Variants in SGPP2 observed in about 807,000 individuals in gnomAD.
SGPP2 encodes sphingosine 1-phosphate phosphohydrolase 2.
A neutral mutation model predicts 33.9 loss-of-function variants in SGPP2; 30 were observed. That is an observed-to-expected ratio of 0.89 (90% CI 0.66 to 1.20). The LOEUF (loss-of-function observed/expected upper bound fraction) is 1.20. Among genes scored for constraint, SGPP2 ranks in the 50% most tolerant of loss-of-function variants. The pLI is 0.00. For missense variants in SGPP2, 458 were observed against 532.1 expected (o/e 0.86, Z 1.37); for synonymous variants, 233 against 225.0 (o/e 1.04, Z -0.32).
chr2:222,552,122 T>G (rs1689303220), intron 4 of SGPP2, among the ~76,000 whole-genome samples: 1 of 152,222 alleles, frequency 6.6e-6, no homozygotes, highest in South Asian at 2.1e-4. Flanking sequence ...GATGGGCATT[T>G]GGGTTGGTTC....
Position 222,546,150 on chromosome 2 carries a change from G to T in SGPP2, c.649-12197G>T, listed in dbSNP as rs1361190622. 2.0e-5 allele frequency among the ~76,000 whole-genome samples: 3 copies of T among 152,130 alleles called. No individual in the cohort carries two copies. The East Asian group carries it at 5.8e-4, about 29-fold the overall frequency. On this transcript the variant is annotated intron_variant, in intron 4 of 4. Coordinates refer to ENST00000321276, the MANE Select transcript of SGPP2 (RefSeq NM_152386.4). The stretch of plus-strand genomic sequence containing the variant: ...TGTATCATATGTTTAAATTCACACA[G>T]GGTTTCCAGTAAGTGCTATGATTTA...
chr2:222,535,264 G>T (rs938411616), intron 4 of SGPP2, among the ~76,000 whole-genome samples: 2 of 151,816 alleles, frequency 1.3e-5, no homozygotes, highest in African/African-American at 4.8e-5. Flanking sequence ...TATAATCCCA[G>T]CTACTCAGGA....
chr2:222,430,113 G>A (rs1039766397), intron 1 of SGPP2, among the ~76,000 whole-genome samples: 1 of 152,060 alleles, frequency 6.6e-6, no homozygotes, highest in Non-Finnish European at 1.5e-5. Flanking sequence ...AGAATAGAAC[G>A]ATGAATACAA....
chr2:222,424,558 C>T lies in SGPP2; in HGVS notation c.-45C>T. The T allele has an allele frequency of 8.5e-7, 1 of 1,174,108 alleles. No individual in the cohort carries two copies. Among genetic ancestry groups the T allele is most frequent in the Non-Finnish European group, 1.1e-6 (1 of 940,376 alleles). 72.7% of individuals were successfully genotyped at this position (1,174,108 alleles called of 1,614,324 possible). A position where few individuals can be genotyped will look rare whatever the true frequency, so the allele number is the denominator to read the frequency against. On this transcript the variant is annotated 5_prime_UTR_variant, in exon 1 of 5. Transcript: ENST00000321276. ...GAGTGGCGGTGCCAGCGGAGGGCACCGGCCCGGCGTGGCAGCGGCGGCGGA... is the reference window on the plus strand; with the variant it reads ...GAGTGGCGGTGCCAGCGGAGGGCACTGGCCCGGCGTGGCAGCGGCGGCGGA...
rs1689490229 is a variant in SGPP2, at chr2:222,559,252, A to G, written c.*354A>G. On this transcript the variant is annotated 3_prime_UTR_variant, in exon 5 of 5. Transcript: ENST00000321276. ...GCTGGCAGGAATTGTGGCCTGGCTT[A>G]GGAATAGCTATGAGCCCCACTGGGT... 2 of 240,596 alleles carry G rather than the reference A, an allele frequency of 8.3e-6. No homozygotes were observed. The highest frequency in any genetic ancestry group is 6.8e-5 in the South Asian group (1 of 14,738). 14.9% of individuals were successfully genotyped at this position (240,596 alleles called of 1,614,324 possible).
intron 2 of SGPP2, among the ~76,000 whole-genome samples, chr2:222,511,181 G>GA (rs1274495643): frequency 6.6e-6 from 1 of 152,130 alleles, no homozygotes; most frequent in African/African-American, 2.4e-5. Flanking sequence ...CAGCCATCCA[G>GA]AACAGAGCCC....
chr2:222,499,878 C>A (rs1229267207), intron 2 of SGPP2, among the ~76,000 whole-genome samples: 1 of 152,058 alleles, frequency 6.6e-6, no homozygotes, highest in Non-Finnish European at 1.5e-5. Context: ...ACCAGAGGTC[C>A]CCAGGCAGAA....
At chr2:222,491,483 G>A (rs901625452) in intron 2 of SGPP2, among the ~76,000 whole-genome samples, 1 of 152,208 alleles carries the variant, frequency 6.6e-6, no homozygotes, top group Admixed American at 6.5e-5. Context: ...CAGCAGGCAA[G>A]AGAGAGTGAG....
At chr2:222,467,561 C>T (rs1320623901) in intron 1 of SGPP2, among the ~76,000 whole-genome samples, 4 of 152,122 alleles carry the variant, frequency 2.6e-5, no homozygotes, top group Non-Finnish European at 5.9e-5. Flanking sequence ...CACTTTGCCT[C>T]TAGCATCCAT....
At chr2:222,497,609 C>T (rs188048318) in intron 2 of SGPP2, among the ~76,000 whole-genome samples, 1 of 152,294 alleles carries the variant, frequency 6.6e-6, no homozygotes, top group Non-Finnish European at 1.5e-5. Context: ...GTCATTTGTT[C>T]ATTCATTTAA....
At chr2:222,508,977 A>G (rs1180246758) in intron 2 of SGPP2, among the ~76,000 whole-genome samples, 1 of 152,218 alleles carries the variant, frequency 6.6e-6, no homozygotes, top group Non-Finnish European at 1.5e-5. Context: ...TGCCAGAAGT[A>G]TGAGTGGCTA....
At position 222,488,267 on chromosome 2, in the gene SGPP2, G is replaced by A. The variant is rs145501579; in HGVS notation, c.378+13541G>A. Among the ~76,000 whole-genome samples the A allele has an allele frequency of 1.7e-4, 26 of 152,298 alleles. No homozygotes were observed. The East Asian group carries it at 3.7e-3, about 21-fold the overall frequency. ...GTCCCCTAACCCTGGGCCATGGACTGGTACTGTAGCCTGTTAGGAACCAGG... is the reference window on the plus strand; with the variant it reads ...GTCCCCTAACCCTGGGCCATGGACTAGTACTGTAGCCTGTTAGGAACCAGG... On this transcript the variant is annotated intron_variant, in intron 2 of 4. Coordinates refer to ENST00000321276, the MANE Select transcript of SGPP2 (RefSeq NM_152386.4).
chr2:222,425,197 C>T (rs1372281825), intron 1 of SGPP2, among the ~76,000 whole-genome samples: 1 of 152,148 alleles, frequency 6.6e-6, no homozygotes, highest in African/African-American at 2.4e-5. Flanking sequence ...AGACTCCCCC[C>T]CACCCCCGTA....
intron 1 of SGPP2, among the ~76,000 whole-genome samples, chr2:222,442,623 A>G (rs1414143346): frequency 2.0e-5 from 3 of 152,246 alleles, no homozygotes; most frequent in Non-Finnish European, 4.4e-5. Flanking sequence ...ATCCTTGAAC[A>G]TATAAAATAC....
At chr2:222,496,443 A>G (rs1178321220) in intron 2 of SGPP2, among the ~76,000 whole-genome samples, 1 of 152,144 alleles carries the variant, frequency 6.6e-6, no homozygotes, top group African/African-American at 2.4e-5. Flanking sequence ...CGTCATCTTT[A>G]TTTTGCACTA....
intron 1 of SGPP2, among the ~76,000 whole-genome samples, chr2:222,473,397 A>G (rs1697879061): frequency 6.6e-6 from 1 of 152,244 alleles, no homozygotes; most frequent in Non-Finnish European, 1.5e-5. Flanking sequence ...AGCATCTTCA[A>G]ATCGTTCTCT....
At chr2:222,464,006 C>T (rs775660769) in intron 1 of SGPP2, among the ~76,000 whole-genome samples, 27 of 152,188 alleles carry the variant, frequency 1.8e-4, no homozygotes, top group Middle Eastern at 3.4e-3. Context: ...TGGATGAAAA[C>T]GAGTAAACTG....
rs369192373 is a variant in SGPP2, at chr2:222,477,371, ATATAGGTGTGTATATATGTG to A, written c.378+2667_378+2686del. Reference sequence around the variant, plus strand: ...GGTGTGTATATATGTGTATGTGTGTATATAGGTGTGTATATATGTGTATAGGTGTGTATATATGTGTGTTT... The same window carrying A: ...GGTGTGTATATATGTGTATGTGTGTATATAGGTGTGTATATATGTGTGTTT... On this transcript the variant is annotated intron_variant, in intron 2 of 4. Coordinates refer to ENST00000321276, the MANE Select transcript of SGPP2 (RefSeq NM_152386.4). This position sits in a 1 kb window ranked among gnomAD's most constrained non-coding sequence, Gnocchi z 6.0. 9.8e-4 allele frequency among the ~76,000 whole-genome samples: 145 copies of A among 148,096 alleles called. No homozygotes were observed. Among genetic ancestry groups the A allele is most frequent in the African/African-American group, 3.5e-3 (135 of 38,342 alleles).
intron 2 of SGPP2, among the ~76,000 whole-genome samples, chr2:222,508,901 TAC>T (rs144021896): frequency 1.3e-5 from 2 of 151,850 alleles, no homozygotes; most frequent in African/African-American, 4.8e-5. Flanking sequence ...CTCCCAGCGT[TAC>T]ACACACACAC....
Sources: gnomAD v4.1 joint callset for allele counts (sites outside exome capture counted in the v4.1 genomes callset) on GRCh38, gnomAD v4.1.1 for gene constraint, Gnocchi (gnomAD v3.1) non-coding constraint, MANE v1.5 for transcripts, NCBI Gene and HGNC (gene_info 2026-07-23, HGNC 2026-07-21) for gene names.